Variants in NCBP3 observed in about 807,000 individuals in gnomAD.
NCBP3 encodes the protein nuclear cap binding subunit 3, also known as nuclear cap-binding protein subunit 3.
In NCBP3, 20 loss-of-function variants were observed where a neutral mutation model predicts 75.7. That is an observed-to-expected ratio of 0.26 (90% CI 0.19 to 0.38). The LOEUF is 0.38. Among genes scored for constraint, NCBP3 ranks in the 10% least tolerant of loss-of-function variants. The pLI is 1.00. For missense variants in NCBP3, 678 were observed against 796.9 expected (o/e 0.85, Z 1.80); for synonymous variants, 293 against 290.5 (o/e 1.01, Z -0.09).
intron 7 of NCBP3, chr17:3,822,675 T>C (rs937177103): frequency 6.6e-6 from 1 of 152,274 alleles, no homozygotes; most frequent in African/African-American, 2.4e-5. Flanking sequence ...TCAGTCATCA[T>C]AAATTTTTGT....
chr17:3,831,367 G>GCAGA (rs2053874752), intron 3 of NCBP3, among the ~76,000 whole-genome samples: 1 of 151,318 alleles, frequency 6.6e-6, no homozygotes, highest in Non-Finnish European at 1.5e-5. Flanking sequence ...AGGTCAAGAG[G>GCAGA]TCGAGACCAT....
rs1412633264 is a variant in NCBP3 at position 3,806,248 on chromosome 17, T to C, written c.*6796A>G. 1 of 152,180 alleles carries C rather than the reference T, an allele frequency of 6.6e-6. No homozygotes were observed. The highest frequency in any genetic ancestry group is 1.5e-5 in the Non-Finnish European group (1 of 68,068). The allele number at this position is 152,180 out of a possible 1,614,324, so 9.4% of individuals were successfully genotyped here. A position where few individuals can be genotyped will look rare whatever the true frequency, so the allele number is the denominator to read the frequency against. ...TACCCACCACCACGCCCAGCTAATT[T>C]TTGTATTTCTAGTAGAGACGGGGTT... On this transcript the variant is annotated 3_prime_UTR_variant, in exon 13 of 13. Coordinates refer to ENST00000389005, the MANE Select transcript of NCBP3 (RefSeq NM_001114118.3).
At chr17:3,815,633 C>T (rs551923079) in intron 11 of NCBP3, among the ~76,000 whole-genome samples, 2 of 152,014 alleles carry the variant, frequency 1.3e-5, no homozygotes, top group African/African-American at 4.8e-5. Flanking sequence ...AACTGCTGAT[C>T]GAATACATGT....
Position 3,802,974 on chromosome 17 carries a change from G to A in NCBP3, c.*10070C>T, listed in dbSNP as rs1365017168. 2 of 152,188 alleles carry A rather than the reference G, an allele frequency of 1.3e-5. No individual in the cohort carries two copies. The highest frequency in any genetic ancestry group is 4.8e-5 in the African/African-American group (2 of 41,430). 9.4% of individuals were successfully genotyped at this position (152,188 alleles called of 1,614,324 possible). ...ATCCATCCAGTATGTATTTATCCAAGCGTCAGTGCCTCTAGTCATGAGACA... is the reference window on the plus strand; with the variant it reads ...ATCCATCCAGTATGTATTTATCCAAACGTCAGTGCCTCTAGTCATGAGACA... On this transcript the variant is annotated 3_prime_UTR_variant, in exon 13 of 13. Coordinates refer to ENST00000389005, the MANE Select transcript of NCBP3 (RefSeq NM_001114118.3).
At chr17:3,840,367 T>C (rs1041107032) in intron 2 of NCBP3, among the ~76,000 whole-genome samples, 162 bp from the exon 3 acceptor site, 3 of 152,114 alleles carry the variant, frequency 2.0e-5, no homozygotes, top group Admixed American at 6.6e-5. Flanking sequence ...TCACACTCAA[T>C]GACTGGGGGG....
chr17:3,842,395 A>G (rs1267981075), intron 2 of NCBP3, among the ~76,000 whole-genome samples: 8 of 152,172 alleles, frequency 5.3e-5, no homozygotes, highest in Admixed American at 5.2e-4. Flanking sequence ...ACTGCACTCC[A>G]GCCTGGGCAA....
rs1020058879 is a variant in NCBP3 at position 3,802,447 on chromosome 17, C to T, written c.*10597G>A. ...GTGCTTATGACTACTAGATCTTGCT[C>T]GGTTATGTGAGATTACAATTCACCG... On this transcript the variant is annotated 3_prime_UTR_variant, in exon 13 of 13. Transcript: ENST00000389005. 7 of 152,294 alleles carry T rather than the reference C, an allele frequency of 4.6e-5. No homozygotes were observed. The South Asian group carries it at 8.3e-4, about 18-fold the overall frequency. The allele number at this position is 152,294 out of a possible 1,614,324, so 9.4% of individuals were successfully genotyped here. A position where few individuals can be genotyped will look rare whatever the true frequency, so the allele number is the denominator to read the frequency against.
Position 3,809,955 on chromosome 17 carries a change from C to A in NCBP3, c.*3089G>T, listed in dbSNP as rs2053384350. On this transcript the variant is annotated 3_prime_UTR_variant, in exon 13 of 13. Coordinates refer to ENST00000389005, the MANE Select transcript of NCBP3 (RefSeq NM_001114118.3). ...ATTTATATGAACTATCCAGAACAGGCAAATCCACAGAGAGAGAAGGAAGAT... is the reference window on the plus strand; with the variant it reads ...ATTTATATGAACTATCCAGAACAGGAAAATCCACAGAGAGAGAAGGAAGAT... 6.6e-6 allele frequency: 1 copy of A among 152,082 alleles called. No homozygotes were observed. The highest frequency in any genetic ancestry group is 2.1e-4 in the South Asian group (1 of 4,812). The allele number at this position is 152,082 out of a possible 1,614,324, so 9.4% of individuals were successfully genotyped here.
At chr17:3,834,881 G>C (rs1035066013) in intron 3 of NCBP3, among the ~76,000 whole-genome samples, 1 of 151,560 alleles carries the variant, frequency 6.6e-6, no homozygotes, top group African/African-American at 2.4e-5. Flanking sequence ...TTTTTTGATA[G>C]GATTACCAGA....
chr17:3,828,851 C>CT (rs1381604627), intron 4 of NCBP3, among the ~76,000 whole-genome samples: 16 of 152,252 alleles, frequency 1.1e-4, no homozygotes, highest in African/African-American at 3.9e-4. Context: ...AGTCAGCCCT[C>CT]TGAGTAACAG....
chr17:3,845,941 C>A, intron 1 of NCBP3, 100 bp downstream of exon 1: 1 of 1,359,520 alleles, frequency 7.4e-7, no homozygotes. Flanking sequence ...GCTCCCTTGA[C>A]TTCCCCGGCT....
Position 3,812,826 on chromosome 17 carries a change from A to C in NCBP3, c.*218T>G. On this transcript the variant is annotated 3_prime_UTR_variant, in exon 13 of 13. Coordinates refer to ENST00000389005, the MANE Select transcript of NCBP3 (RefSeq NM_001114118.3). The stretch of plus-strand genomic sequence containing the variant: ...AAGCCTGTGGGGTGGTGGGAAAGGA[A>C]TCGAGGGCCCAGAACTACAACTCTG... 1 of 1,381,556 alleles carries C rather than the reference A, an allele frequency of 7.2e-7. No homozygotes were observed. Among genetic ancestry groups the C allele is most frequent in the Non-Finnish European group, 9.4e-7 (1 of 1,067,008 alleles). The allele number at this position is 1,381,556 out of a possible 1,614,324, so 85.6% of individuals were successfully genotyped here. A position where few individuals can be genotyped will look rare whatever the true frequency, so the allele number is the denominator to read the frequency against.
rs747752377 is a variant in NCBP3, at chr17:3,816,223, C to T, written c.1358G>A (p.Arg453Gln). 3 of 1,614,062 alleles carry T rather than the reference C, an allele frequency of 1.9e-6. No individual in the cohort carries two copies. The highest frequency in any genetic ancestry group is 1.1e-5 in the South Asian group (1 of 91,066). Residue 453 changes from arginine (R) to glutamine (Q), a missense_variant, in exon 11 of 13, where the codon CGA (arginine) becomes CAA (glutamine). Arg to Gln is a conservative substitution (Grantham distance 43). Transcript: ENST00000389005. ...DSVSSSNIKN[R>Q]IGNKLPPEKF... Reference sequence around the variant, plus strand: ...CTCAGGTGGTAATTTGTTACCAATTCGGTTTTTGATATTGCTTGAAGATAC... The same window carrying T: ...CTCAGGTGGTAATTTGTTACCAATTTGGTTTTTGATATTGCTTGAAGATAC...
chr17:3,837,771 T>C (rs1158311560), intron 3 of NCBP3, among the ~76,000 whole-genome samples: 1 of 149,788 alleles, frequency 6.7e-6, no homozygotes, highest in African/African-American at 2.5e-5. Flanking sequence ...CCAGTAACTA[T>C]CCCTGGGACC....
rs1226436826 is a variant in NCBP3, at chr17:3,809,489, TG to T, written c.*3554del. ...GGGAGGAAGAGGTGGGCAGATCACC[TG>T]AGGTCAGGAGTTCGAGACCAGCCTG... is the stretch of plus-strand genomic sequence containing the variant. On this transcript the variant is annotated 3_prime_UTR_variant, in exon 13 of 13. Coordinates refer to ENST00000389005, the MANE Select transcript of NCBP3 (RefSeq NM_001114118.3). 1 of 152,248 alleles carries T rather than the reference TG, an allele frequency of 6.6e-6. No homozygotes were observed. The highest frequency in any genetic ancestry group is 1.5e-5 in the Non-Finnish European group (1 of 68,068). 9.4% of individuals were successfully genotyped at this position (152,248 alleles called of 1,614,324 possible). A position where few individuals can be genotyped will look rare whatever the true frequency, so the allele number is the denominator to read the frequency against.
intron 4 of NCBP3, 85 bp downstream of exon 4, chr17:3,829,158 C>A: frequency 6.9e-7 from 1 of 1,456,004 alleles, no homozygotes; most frequent in Admixed American, 2.0e-5. Context: ...TAGTATGGGC[C>A]AGAACCATTC....
At position 3,804,063 on chromosome 17, in the gene NCBP3, G is replaced by C. The variant is rs147632183; in HGVS notation, c.*8981C>G. On this transcript the variant is annotated 3_prime_UTR_variant, in exon 13 of 13. Coordinates refer to ENST00000389005, the MANE Select transcript of NCBP3 (RefSeq NM_001114118.3). ...CTGCACTCCACTTGGGTGACAGAGC[G>C]AGACTCCGTCTCAGAAAAAGTGGCC... 6.6e-6 allele frequency: 1 copy of C among 152,248 alleles called. No individual in the cohort carries two copies. The highest frequency in any genetic ancestry group is 2.4e-5 in the African/African-American group (1 of 41,454). The allele number at this position is 152,248 out of a possible 1,614,324, so 9.4% of individuals were successfully genotyped here.
rs2053881684 is a variant in NCBP3 at position 3,831,645 on chromosome 17, A to G, written c.356-2277T>C. ...TACCTAGCTTTATGCTTAATTCGTT[A>G]TAAGATCTCAGGCACACAAAACATT... On this transcript the variant is annotated intron_variant, in intron 3 of 12. Coordinates refer to ENST00000389005, the MANE Select transcript of NCBP3 (RefSeq NM_001114118.3). 3.3e-5 allele frequency among the ~76,000 whole-genome samples: 4 copies of G among 121,348 alleles called. 1 individual carries two copies. The South Asian group carries it at 1.2e-3, about 36-fold the overall frequency. 79.6% of individuals were successfully genotyped at this position (121,348 alleles called of 152,430 possible).
chr17:3,843,612 A>T lies in NCBP3; in HGVS notation c.184-461T>A, dbSNP rs2054105877. On this transcript the variant is annotated intron_variant, in intron 1 of 12. Transcript: ENST00000389005. ...CCTAGGCGGGAGTGCAGTGGCACAA[A>T]CTCGGCTCACTGCAACCTCTACCTC... 2.6e-5 allele frequency among the ~76,000 whole-genome samples: 4 copies of T among 152,054 alleles called. No individual in the cohort carries two copies. The South Asian group carries it at 8.3e-4, about 32-fold the overall frequency.
Sources: gnomAD v4.1 joint callset for allele counts (sites outside exome capture counted in the v4.1 genomes callset) on GRCh38, gnomAD v4.1.1 for gene constraint, MANE v1.5 for transcripts, NCBI Gene and HGNC (gene_info 2026-07-23, HGNC 2026-07-21) for gene names.